INPP5A: variants seen among roughly 807,000 people sequenced by gnomAD.
INPP5A encodes the protein 43 kDa inositol polyphosphate 5-phophatase.
In INPP5A, 14 loss-of-function variants were observed where a neutral mutation model predicts 65.2. That is an observed-to-expected ratio of 0.21 (90% CI 0.14 to 0.34). The LOEUF (loss-of-function observed/expected upper bound fraction) is 0.34. Ranked by LOEUF, INPP5A falls within the 10% of genes least tolerant of loss-of-function variation. The probability of loss-of-function intolerance (pLI) is 1.00; values close to 1 mark genes in which losing one functional copy is unlikely to be tolerated. For missense variants in INPP5A, 431 were observed against 545.6 expected, an observed-to-expected ratio of 0.79 and a Z score of 2.09; for synonymous variants, 207 against 208.3, an observed-to-expected ratio of 0.99 and a Z score of 0.05.
At chr10:132,601,867 G>GCTTA (rs35606423) in intron 1 of INPP5A, among the ~76,000 whole-genome samples, 37,314 of 151,972 alleles carry the variant, frequency 0.25, 5,384 homozygotes, top group East Asian at 0.5. Flanking sequence ...TGTTTTGACT[G>GCTTA]CTTTAGGTTG....
intron 8 of INPP5A, among the ~76,000 whole-genome samples, chr10:132,719,767 T>G (rs2803995): frequency 0.21 from 26,507 of 129,168 alleles, 3,458 homozygotes; most frequent in African/African-American, 0.39. Flanking sequence ...GTTCTTTCTG[T>G]GTGCCTTAGA....
At chr10:132,609,556 C>A (rs2133343187) in intron 2 of INPP5A, among the ~76,000 whole-genome samples, 1 of 152,332 alleles carries the variant, frequency 6.6e-6, no homozygotes, top group Non-Finnish European at 1.5e-5. Context: ...AGGAGCAGAA[C>A]CTGCCGCCTA....
intron 2 of INPP5A, among the ~76,000 whole-genome samples, chr10:132,632,810 C>G (rs1016803307): frequency 6.6e-6 from 1 of 152,246 alleles, no homozygotes; most frequent in African/African-American, 2.4e-5. Context: ...CTATTTAGCT[C>G]TGTGTCTGGG....
At chr10:132,690,948 G>A (rs908620781) in intron 5 of INPP5A, among the ~76,000 whole-genome samples, 1 of 152,138 alleles carries the variant, frequency 6.6e-6, no homozygotes, top group African/African-American at 2.4e-5. Flanking sequence ...GGCCGGGTGT[G>A]GGGCTTCCGT....
chr10:132,719,070 T>G, intron 8 of INPP5A, among the ~76,000 whole-genome samples: 1 of 148,492 alleles, frequency 6.7e-6, no homozygotes, highest in African/African-American at 2.5e-5. Context: ...GACGGCTGTC[T>G]CGCGGGTTCT....
At chr10:132,776,231 G>A (rs79791053) in intron 12 of INPP5A, among the ~76,000 whole-genome samples, 3,569 of 152,310 alleles carry the variant, frequency 0.023, 45 homozygotes, top group Non-Finnish European at 0.038. Flanking sequence ...CAGGCCCTGC[G>A]TAGCTACGTT....
intron 3 of INPP5A, among the ~76,000 whole-genome samples, chr10:132,649,829 T>G (rs553115775): frequency 6.6e-6 from 1 of 152,282 alleles, no homozygotes; most frequent in East Asian, 1.9e-4. Flanking sequence ...TGAGCTTGTC[T>G]CCTTAAGGCC....
intron 8 of INPP5A, among the ~76,000 whole-genome samples, chr10:132,714,241 GCGCGCTCAGCCAGC>G (rs982291278): frequency 2.0e-5 from 3 of 152,218 alleles, no homozygotes; most frequent in Non-Finnish European, 4.4e-5. Flanking sequence ...GGCTCCTGCG[GCGCGCTCAGCCAGC>G]CGCAGATCCG....
At chr10:132,694,385 G>A (rs1398306359) in intron 5 of INPP5A, among the ~76,000 whole-genome samples, 1 of 152,074 alleles carries the variant, frequency 6.6e-6, no homozygotes, top group African/African-American at 2.4e-5. Flanking sequence ...ATGTTTAGAG[G>A]TAAATTTATA....
intron 6 of INPP5A, among the ~76,000 whole-genome samples, chr10:132,703,761 C>T (rs1293860953): frequency 1.3e-5 from 1 of 79,244 alleles, no homozygotes; most frequent in Non-Finnish European, 2.5e-5. Flanking sequence ...ACGGCTTCAC[C>T]CCCCCCACAC....
chr10:132,554,287 C>T (rs1364136956), intron 1 of INPP5A, among the ~76,000 whole-genome samples: 1 of 152,186 alleles, frequency 6.6e-6, no homozygotes, highest in Non-Finnish European at 1.5e-5. Context: ...CACCGGCTTC[C>T]CTGGCTTCTG....
rs775608806 is a variant in INPP5A at position 132,706,451 on chromosome 10, A to G, written c.475-1862A>G. Among the ~76,000 whole-genome samples, 1 of 152,260 alleles carries G rather than the reference A, an allele frequency of 6.6e-6. No homozygotes were observed. The highest frequency in any genetic ancestry group is 1.5e-5 in the Non-Finnish European group (1 of 68,050). Reference sequence around the variant, plus strand: ...GTGAAGCTTCAGAATATTGATGACAAAGAGAAAAACTTTAAAACAGCCAGA... The same window carrying G: ...GTGAAGCTTCAGAATATTGATGACAGAGAGAAAAACTTTAAAACAGCCAGA... On this transcript the variant is annotated intron_variant, in intron 6 of 15. Coordinates refer to ENST00000368594, the MANE Select transcript of INPP5A (RefSeq NM_005539.5). This position sits in a 1 kb window ranked among gnomAD's most constrained non-coding sequence, Gnocchi z 4.7.
intron 1 of INPP5A, among the ~76,000 whole-genome samples, chr10:132,563,602 A>C (rs1218550762): frequency 6.6e-6 from 1 of 152,214 alleles, no homozygotes; most frequent in Non-Finnish European, 1.5e-5. Flanking sequence ...CAAAATCAAA[A>C]GGGTTCCTCT....
intron 12 of INPP5A, among the ~76,000 whole-genome samples, chr10:132,774,432 G>A (rs1847009173): frequency 6.6e-6 from 1 of 152,230 alleles, no homozygotes; most frequent in African/African-American, 2.4e-5. Flanking sequence ...ACCTGGAGAA[G>A]TGAGGCTGCG....
Position 132,697,649 on chromosome 10 carries a change from G to A in INPP5A, c.371-167G>A, listed in dbSNP as rs763243830. Among the ~76,000 whole-genome samples the A allele has an allele frequency of 8.6e-5, 13 of 152,020 alleles. No homozygotes were observed. Among genetic ancestry groups the A allele is most frequent in the Non-Finnish European group, 1.6e-4 (11 of 67,996 alleles). The stretch of plus-strand genomic sequence containing the variant: ...TATGAGCCACAGGCATGGAGTAGCC[G>A]GCCCGCTGGGGGTCTGTTCTGGGTC... On this transcript the variant is annotated intron_variant, in intron 5 of 15. Transcript: ENST00000368594. This position sits in a 1 kb window ranked among gnomAD's most constrained non-coding sequence, Gnocchi z 5.6.
At chr10:132,612,233 T>C (rs2071969515) in intron 2 of INPP5A, among the ~76,000 whole-genome samples, 1 of 77,144 alleles carries the variant, frequency 1.3e-5, no homozygotes, top group African/African-American at 5.3e-5. Context: ...AGAGGCCCTG[T>C]CGGGAGGGTG....
At chr10:132,629,713 G>T (rs766176739) in intron 2 of INPP5A, among the ~76,000 whole-genome samples, 2 of 152,252 alleles carry the variant, frequency 1.3e-5, no homozygotes, top group African/African-American at 2.4e-5. Context: ...ATCCATGAGG[G>T]GTGGGTATCC....
rs904651728 is a variant in INPP5A at position 132,555,319 on chromosome 10, G to A, written c.75+17148G>A. ...ACCAGTGAGAAGATGTCGTAGGAGA[G>A]GCTGTTGTCCCCTGAGTACGTTCAC... On this transcript the variant is annotated intron_variant, in intron 1 of 15. Coordinates refer to ENST00000368594, the MANE Select transcript of INPP5A (RefSeq NM_005539.5). This position sits in a 1 kb window ranked among gnomAD's most constrained non-coding sequence, Gnocchi z 4.4. 1.3e-5 allele frequency among the ~76,000 whole-genome samples: 2 copies of A among 152,252 alleles called. No individual in the cohort carries two copies. Among genetic ancestry groups the A allele is most frequent in the Non-Finnish European group, 1.5e-5 (1 of 68,012 alleles).
intron 14 of INPP5A, 69 bp from the exon 15 acceptor site, chr10:132,781,792 G>A (rs1591012076): frequency 1.5e-6 from 2 of 1,303,920 alleles, no homozygotes; most frequent in Non-Finnish European, 2.2e-6. Flanking sequence ...GGGTGCAACG[G>A]GAGGCGGCGG....
Sources: gnomAD v4.1 joint callset for allele counts (sites outside exome capture counted in the v4.1 genomes callset) on GRCh38, gnomAD v4.1.1 for gene constraint, Gnocchi (gnomAD v3.1) non-coding constraint, MANE v1.5 for transcripts, NCBI Gene and HGNC (gene_info 2026-07-23, HGNC 2026-07-21) for gene names.